The following NRG3 variants were observed in gnomAD, a reference collection of about 807,000 sequenced individuals.
The protein encoded by NRG3 is pro-neuregulin-3, membrane-bound isoform.
NRG3 carries 31 observed loss-of-function variants against 66.9 expected under a neutral mutation model. The observed-to-expected ratio is 0.46, with a 90% CI of 0.35 to 0.63. The LOEUF is 0.63. Among genes scored for constraint, NRG3 ranks in the 20% least tolerant of loss-of-function variants. The probability of loss-of-function intolerance (pLI) is 0.00; values close to 1 mark genes in which losing one functional copy is unlikely to be tolerated. For synonymous variants in NRG3, 393 were observed against 359.4 expected, an observed-to-expected ratio of 1.09 and a Z score of -1.06; for missense variants, 910 against 878.9, an observed-to-expected ratio of 1.04 and a Z score of -0.45.
At chr10:82,266,651 A>G (rs2078317734) in intron 1 of NRG3, among the ~76,000 whole-genome samples, 1 of 152,156 alleles carries the variant, frequency 6.6e-6, no homozygotes, top group South Asian at 2.1e-4. Context: ...TCCAAGCTGG[A>G]TGATGTAAGC....
intron 4 of NRG3, among the ~76,000 whole-genome samples, chr10:82,945,519 G>A (rs758886042): frequency 7.9e-5 from 12 of 152,140 alleles, no homozygotes; most frequent in East Asian, 1.9e-4. Context: ...AAAGCATAGC[G>A]CCAGCATCTG....
intron 2 of NRG3, among the ~76,000 whole-genome samples, chr10:82,714,347 C>A (rs1261844979): frequency 6.6e-6 from 1 of 152,158 alleles, no homozygotes; most frequent in Non-Finnish European, 1.5e-5. Context: ...ACTGAACTTT[C>A]CTTTCCACAG....
rs115631797 is a variant in NRG3 at position 82,022,472 on chromosome 10, A to G, written c.823+146309A>G. ...AAAAAGTCTGCATTATTTCATGTTAAGAGAATAGTTTGATATTTACTATTG... is the reference window on the plus strand; with the variant it reads ...AAAAAGTCTGCATTATTTCATGTTAGGAGAATAGTTTGATATTTACTATTG... On this transcript the variant is annotated intron_variant, in intron 1 of 8. Transcript: ENST00000372141. 3.8e-3 allele frequency among the ~76,000 whole-genome samples: 582 copies of G among 152,218 alleles called. 2 individuals are homozygous for G. Among genetic ancestry groups the G allele is most frequent in the African/African-American group, 0.013 (531 of 41,558 alleles).
intron 2 of NRG3, among the ~76,000 whole-genome samples, chr10:82,448,253 A>T (rs2090841250): frequency 6.6e-6 from 1 of 152,214 alleles, no homozygotes; most frequent in African/African-American, 2.4e-5. Flanking sequence ...GGAATGTCAA[A>T]TTTGTATTTT....
chr10:82,578,740 A>C (rs2046183763), intron 2 of NRG3, among the ~76,000 whole-genome samples: 1 of 151,828 alleles, frequency 6.6e-6, no homozygotes. Context: ...TAAATTGTTT[A>C]TGTCCATTAC....
intron 2 of NRG3, among the ~76,000 whole-genome samples, chr10:82,464,155 T>G (rs936889514): frequency 1.3e-5 from 2 of 152,142 alleles, no homozygotes; most frequent in African/African-American, 4.8e-5. Context: ...CTATTGAAGG[T>G]CAGCTAGCTT....
At chr10:82,972,613 A>G (rs1338698543) in intron 6 of NRG3, among the ~76,000 whole-genome samples, 3 of 152,172 alleles carry the variant, frequency 2.0e-5, no homozygotes, top group Non-Finnish European at 4.4e-5. Flanking sequence ...TTAGGGTGGA[A>G]TTTATCTTTA....
chr10:82,780,309 A>G (rs183932855), intron 3 of NRG3, among the ~76,000 whole-genome samples: 4 of 152,244 alleles, frequency 2.6e-5, no homozygotes, highest in African/African-American at 7.2e-5. Context: ...GTCTTCCACA[A>G]TGGTTGAACT....
At chr10:82,866,702 A>T (rs1458274928) in intron 4 of NRG3, among the ~76,000 whole-genome samples, 3 of 152,204 alleles carry the variant, frequency 2.0e-5, no homozygotes, top group Admixed American at 2.0e-4. Flanking sequence ...CGTTTCAATG[A>T]AATCAATTAG....
intron 1 of NRG3, among the ~76,000 whole-genome samples, chr10:82,066,395 A>C (rs2064467827): frequency 6.6e-6 from 1 of 152,164 alleles, no homozygotes; most frequent in East Asian, 1.9e-4. Flanking sequence ...TCTATCAGTA[A>C]ATTTGTAGAC....
intron 2 of NRG3, among the ~76,000 whole-genome samples, chr10:82,366,641 T>C (rs999134372): frequency 1.3e-5 from 2 of 152,208 alleles, no homozygotes; most frequent in Non-Finnish European, 2.9e-5. Flanking sequence ...ATTTTGCAAT[T>C]TTGTGACACA....
intron 2 of NRG3, among the ~76,000 whole-genome samples, chr10:82,666,337 C>T (rs2052778565): frequency 6.6e-6 from 1 of 152,154 alleles, no homozygotes; most frequent in Admixed American, 6.5e-5. Flanking sequence ...TTCATAACTC[C>T]TTCCCTTGAC....
At chr10:82,512,864 T>A (rs556192400) in intron 2 of NRG3, among the ~76,000 whole-genome samples, 29 of 152,366 alleles carry the variant, frequency 1.9e-4, no homozygotes, top group South Asian at 8.3e-4. Flanking sequence ...ATCATTTTTT[T>A]AAAATTCATT....
chr10:82,334,394 A>G (rs1252829944), intron 1 of NRG3, among the ~76,000 whole-genome samples: 1 of 152,170 alleles, frequency 6.6e-6, no homozygotes, highest in Non-Finnish European at 1.5e-5. Flanking sequence ...GGCATTTGCA[A>G]TGCAATATGA....
chr10:82,820,429 C>T (rs2061900301), intron 3 of NRG3, among the ~76,000 whole-genome samples: 1 of 151,908 alleles, frequency 6.6e-6, no homozygotes, highest in African/African-American at 2.4e-5. Flanking sequence ...GTGGAAACAC[C>T]TTATGGTTTT....
At chr10:82,801,944 A>G (rs1014497353) in intron 3 of NRG3, among the ~76,000 whole-genome samples, 2 of 152,180 alleles carry the variant, frequency 1.3e-5, no homozygotes, top group African/African-American at 4.8e-5. Context: ...AGTCTCTTGT[A>G]TGTGAGCTGC....
rs184314280 is a variant in NRG3 at position 82,403,840 on chromosome 10, T to A, written c.953+44972T>A. Among the ~76,000 whole-genome samples, 366 of 152,226 alleles carry A rather than the reference T, an allele frequency of 2.4e-3. 4 individuals are homozygous for A. Among genetic ancestry groups the A allele is most frequent in the African/African-American group, 8.5e-3 (352 of 41,550 alleles). Reference sequence around the variant, plus strand: ...CTTATCAATAATATGACTTTGGACATACAATTCCAAATCTCTAGGTCGTAG... The same window carrying A: ...CTTATCAATAATATGACTTTGGACAAACAATTCCAAATCTCTAGGTCGTAG... On this transcript the variant is annotated intron_variant, in intron 2 of 8. Transcript: ENST00000372141.
intron 1 of NRG3, among the ~76,000 whole-genome samples, chr10:82,022,757 T>C (rs1589816913): frequency 6.6e-6 from 1 of 152,020 alleles, no homozygotes; most frequent in African/African-American, 2.4e-5. Context: ...ATTTGCAACA[T>C]GCTGTAAGTG....
chr10:82,668,318 C>G (rs2052966227), intron 2 of NRG3, among the ~76,000 whole-genome samples: 2 of 152,150 alleles, frequency 1.3e-5, no homozygotes, highest in African/African-American at 2.4e-5. Flanking sequence ...TTAAATGATC[C>G]TGAATGTGGC....
Sources: gnomAD v4.1 joint callset for allele counts (sites outside exome capture counted in the v4.1 genomes callset) on GRCh38, gnomAD v4.1.1 for gene constraint, MANE v1.5 for transcripts, NCBI Gene and HGNC (gene_info 2026-07-23, HGNC 2026-07-21) for gene names.